Variants in EDDM13 observed in about 807,000 individuals in gnomAD.
The protein encoded by EDDM13 is epididymal protein 13.
A neutral mutation model predicts 17.8 loss-of-function variants in EDDM13; 24 were observed. That is an observed-to-expected ratio of 1.35 (90% CI 0.98 to 1.90). EDDM13 has a LOEUF of 1.90. EDDM13 is among the 40% of genes most tolerant of loss of function. The pLI is 0.00. For missense variants in EDDM13, 97 were observed against 100.8 expected, an observed-to-expected ratio of 0.96 and a Z score of 0.16; for synonymous variants, 31 against 37.5, an observed-to-expected ratio of 0.83 and a Z score of 0.63.
chr19:56,282,526 C>A (rs1032248982), intron 4 of EDDM13, 27 bp downstream of exon 4: 1 of 985,268 alleles, frequency 1.0e-6, no homozygotes, highest in Non-Finnish European at 1.2e-6. Flanking sequence ...ATCTCTTTCC[C>A]TTTGGGGTCT....
intron 3 of EDDM13, 111 bp downstream of exon 3, chr19:56,281,809 G>A (rs915428689): frequency 1.4e-5 from 8 of 557,848 alleles, no homozygotes; most frequent in Non-Finnish European, 1.8e-5. Context: ...TTCAACCTGG[G>A]GCAGATTCAG....
At chr19:56,302,171 AG>A in intron 13 of EDDM13, 76 bp downstream of exon 13, 1 of 1,121,844 alleles carries the variant, frequency 8.9e-7, no homozygotes, top group Non-Finnish European at 1.1e-6. Flanking sequence ...GCACAGAGGA[AG>A]CGAAGGAGGG....
At chr19:56,285,213 T>C (rs1038038115) in intron 6 of EDDM13, among the ~76,000 whole-genome samples, 189 bp downstream of exon 6, 2 of 152,376 alleles carry the variant, frequency 1.3e-5, no homozygotes, top group East Asian at 1.9e-4. Context: ...AGCTAGAATT[T>C]TGCCTAATAA....
At chr19:56,293,222 C>T (rs1188823868) in intron 9 of EDDM13, among the ~76,000 whole-genome samples, 1 of 152,206 alleles carries the variant, frequency 6.6e-6, no homozygotes, top group African/African-American at 2.4e-5. Flanking sequence ...AAGTGCTTGA[C>T]TCATGACAGT....
chr19:56,305,647 C>G (rs1285641001), intron 14 of EDDM13, among the ~76,000 whole-genome samples: 1 of 152,108 alleles, frequency 6.6e-6, no homozygotes, highest in East Asian at 1.9e-4. Context: ...ACTGATGCAT[C>G]CTGGATGCAG....
At chr19:56,288,276 A>G (rs7252570) in intron 6 of EDDM13, among the ~76,000 whole-genome samples, 109 bp from the exon 7 acceptor site, 66,952 of 152,006 alleles carry the variant, frequency 0.44, 15,643 homozygotes, top group Non-Finnish European at 0.52. Context: ...CGGCAGCTGC[A>G]GGCTCCATCC....
chr19:56,287,196 A>C (rs1471054232), intron 6 of EDDM13, among the ~76,000 whole-genome samples: 1 of 152,194 alleles, frequency 6.6e-6, no homozygotes, highest in Non-Finnish European at 1.5e-5. Flanking sequence ...TTTCCCATCA[A>C]CCTGGAAGTA....
intron 12 of EDDM13, chr19:56,297,808 C>T (rs576110797): frequency 6.6e-6 from 1 of 152,288 alleles, no homozygotes; most frequent in East Asian, 1.9e-4. Context: ...GTCCTCTCTT[C>T]CCGACATGGA....
chr19:56,302,984 G>A (rs2040445792), intron 13 of EDDM13: 1 of 397,464 alleles, frequency 2.5e-6, no homozygotes, highest in Non-Finnish European at 4.4e-6. Flanking sequence ...TCATGAGCAG[G>A]TGCTAGTGCA....
chr19:56,301,595 C>T (rs1212855594), intron 12 of EDDM13, among the ~76,000 whole-genome samples: 1 of 152,080 alleles, frequency 6.6e-6, no homozygotes, highest in African/African-American at 2.4e-5. Flanking sequence ...ACTAAGAATG[C>T]CTTAACCTAC....
chr19:56,290,959 A>G (rs1303405799), intron 9 of EDDM13, among the ~76,000 whole-genome samples, 113 bp downstream of exon 9: 1 of 152,132 alleles, frequency 6.6e-6, no homozygotes, highest in East Asian at 1.9e-4. Context: ...TGTAGAACAC[A>G]AGTTGAGAGG....
chr19:56,285,359 T>C (rs77382537), intron 6 of EDDM13, among the ~76,000 whole-genome samples: 1 of 152,342 alleles, frequency 6.6e-6, no homozygotes, highest in African/African-American at 2.4e-5. Context: ...CAAGCACCAT[T>C]TCTAGTCTCA....
At chr19:56,283,438 G>T (rs999191054) in intron 4 of EDDM13, 1 of 152,088 alleles carries the variant, frequency 6.6e-6, no homozygotes, top group East Asian at 1.9e-4. Context: ...TCATCCCAAG[G>T]CCACCCACTT....
At chr19:56,277,049 C>T (rs2038318782) in intron 2 of EDDM13, among the ~76,000 whole-genome samples, 1 of 152,206 alleles carries the variant, frequency 6.6e-6, no homozygotes, top group South Asian at 2.1e-4. Flanking sequence ...TATCACTTCA[C>T]ACTAACTAAC....
chr19:56,302,581 C>CCCTCTT (rs1555807488), intron 13 of EDDM13, among the ~76,000 whole-genome samples: 764 of 39,956 alleles, frequency 0.019, 25 homozygotes, highest in African/African-American at 0.12. Flanking sequence ...TTCTTCCTCC[C>CCCTCTT]CCTTTTCTTC....
At chr19:56,273,264 T>C (rs923586362) in intron 1 of EDDM13, among the ~76,000 whole-genome samples, 1 of 152,220 alleles carries the variant, frequency 6.6e-6, no homozygotes, top group South Asian at 2.1e-4. Context: ...GAGCTTACGT[T>C]GTGCAGTGCC....
intron 9 of EDDM13, among the ~76,000 whole-genome samples, chr19:56,292,819 T>C (rs2039608349): frequency 6.6e-6 from 1 of 152,230 alleles, no homozygotes; most frequent in South Asian, 2.1e-4. Flanking sequence ...TCGTACACGA[T>C]GTGGTCTTTT....
rs1300431621 is a variant in EDDM13, at chr19:56,302,563, CCTTCCTTT to C, written c.423+469_423+476del. On this transcript the variant is annotated intron_variant, in intron 13 of 14. Coordinates refer to ENST00000649256, the MANE Select transcript of EDDM13 (RefSeq NM_001354658.2). ...CCTCCCCGTTCCTCCCTCCCTCCCC[CCTTCCTTT>C]TCTTCCTCCCCCTTTTCTTCCTCTC... is the stretch of plus-strand genomic sequence containing the variant. Among the ~76,000 whole-genome samples, 21 of 92,966 alleles carry C rather than the reference CCTTCCTTT, an allele frequency of 2.3e-4. No individual in the cohort carries two copies. The East Asian group carries it at 4.0e-3, about 18-fold the overall frequency. 61.0% of individuals were successfully genotyped at this position (92,966 alleles called of 152,430 possible).
chr19:56,309,914 C>T (rs2040929307), intron 14 of EDDM13, among the ~76,000 whole-genome samples: 1 of 152,080 alleles, frequency 6.6e-6, no homozygotes, highest in African/African-American at 2.4e-5. Flanking sequence ...GAAGCGTGTT[C>T]CAGCTGCTGG....
Sources: allele counts gnomAD v4.1 joint callset (sites outside exome capture counted in the v4.1 genomes callset), GRCh38; gene constraint gnomAD v4.1.1; transcripts MANE v1.5; gene names NCBI Gene and HGNC (gene_info 2026-07-23, HGNC 2026-07-21).